The following LIN9 variants were observed in gnomAD, a reference collection of about 807,000 sequenced individuals.
The protein encoded by LIN9 is protein lin-9 homolog.
In LIN9, 18 loss-of-function variants were observed where a neutral mutation model predicts 78.0. The observed-to-expected ratio is 0.23, with a 90% CI of 0.16 to 0.34. The LOEUF (loss-of-function observed/expected upper bound fraction) is 0.34, where lower values mean the gene tolerates loss of function less well. Ranked by LOEUF, LIN9 falls within the 10% of genes least tolerant of loss-of-function variation. The probability of loss-of-function intolerance (pLI) is 1.00; values close to 1 mark genes in which losing one functional copy is unlikely to be tolerated. For missense variants in LIN9, 451 were observed against 644.1 expected, an observed-to-expected ratio of 0.70 and a Z score of 3.25; for synonymous variants, 192 against 215.2, an observed-to-expected ratio of 0.89 and a Z score of 0.94.
At chr1:226,306,709 T>C (rs1332892595) in intron 1 of LIN9, among the ~76,000 whole-genome samples, 1 of 152,244 alleles carries the variant, frequency 6.6e-6, no homozygotes, top group Non-Finnish European at 1.5e-5. Context: ...GATAATGTTA[T>C]ATCGACTCCT....
chr1:226,265,674 C>A lies in LIN9; in HGVS notation c.937-40G>T. On this transcript the variant is annotated intron_variant, in intron 9 of 14. Coordinates refer to ENST00000681046, the MANE Select transcript of LIN9 (RefSeq NM_001366245.2). This position sits in a 1 kb window ranked among gnomAD's most constrained non-coding sequence, Gnocchi z 4.1. The stretch of plus-strand genomic sequence containing the variant: ...AGGAATTATTTAATCATTGACTATT[C>A]AGAGGAAGTATCTTATTTTTTTATT... 1 of 1,049,570 alleles carries A rather than the reference C, an allele frequency of 9.5e-7. No individual in the cohort carries two copies. The highest frequency in any genetic ancestry group is 1.4e-5 in the South Asian group (1 of 72,120). 65.0% of individuals were successfully genotyped at this position (1,049,570 alleles called of 1,614,324 possible).
intron 11 of LIN9, among the ~76,000 whole-genome samples, chr1:226,240,117 G>A (rs2102838922): frequency 6.6e-6 from 1 of 152,190 alleles, no homozygotes; most frequent in East Asian, 1.9e-4. Context: ...TTTTACAGAG[G>A]AGAAAACTGA....
intron 10 of LIN9, among the ~76,000 whole-genome samples, chr1:226,259,867 A>T (rs1659453973): frequency 6.6e-6 from 1 of 152,034 alleles, no homozygotes; most frequent in African/African-American, 2.4e-5. Flanking sequence ...GGAAACTAAA[A>T]AAAAAAAATA....
chr1:226,270,490 TTGAG>T (rs1660193748), intron 7 of LIN9, among the ~76,000 whole-genome samples: 1 of 151,882 alleles, frequency 6.6e-6, no homozygotes, highest in African/African-American at 2.4e-5. Context: ...CAGTAAGAAA[TTGAG>T]AGAGATATTT....
chr1:226,245,126 A>T (rs572593892), intron 11 of LIN9, among the ~76,000 whole-genome samples: 1 of 152,342 alleles, frequency 6.6e-6, no homozygotes, highest in South Asian at 2.1e-4. Context: ...AATCACTGAC[A>T]AAAGAGAGAT....
intron 10 of LIN9, 43 bp from the exon 11 acceptor site, chr1:226,250,962 T>C (rs772412824): frequency 9.3e-6 from 9 of 962,956 alleles, no homozygotes; most frequent in Admixed American, 2.1e-5. Context: ...CAGAGGCATT[T>C]AGGTATATTG....
rs1657469356 is a variant in LIN9 at position 226,233,276 on chromosome 1, T to C, written c.1425+68A>G. The C allele has an allele frequency of 4.6e-6, 7 of 1,528,554 alleles. No individual in the cohort carries two copies. The African/African-American group carries it at 5.5e-5, about 12-fold the overall frequency. 94.7% of individuals were successfully genotyped at this position (1,528,554 alleles called of 1,614,324 possible). A position where few individuals can be genotyped will look rare whatever the true frequency, so the allele number is the denominator to read the frequency against. ...ATACCTGATATAATCAATGAATTAATTTCTTAGCAACAAATTAGCGTGGGT... is the reference window on the plus strand; with the variant it reads ...ATACCTGATATAATCAATGAATTAACTTCTTAGCAACAAATTAGCGTGGGT... On this transcript the variant is annotated intron_variant, in intron 13 of 14. Coordinates refer to ENST00000681046, the MANE Select transcript of LIN9 (RefSeq NM_001366245.2).
chr1:226,237,716 G>A (rs1657813096), intron 12 of LIN9, among the ~76,000 whole-genome samples: 2 of 151,760 alleles, frequency 1.3e-5, no homozygotes, highest in Non-Finnish European at 2.9e-5. Context: ...GGGAGGCCGA[G>A]GAGGGCGGAT....
intron 11 of LIN9, among the ~76,000 whole-genome samples, chr1:226,245,799 T>C (rs563105408): frequency 6.6e-6 from 1 of 152,320 alleles, no homozygotes; most frequent in East Asian, 1.9e-4. Context: ...GGTTTGGCTA[T>C]GTTGGCCAGG....
At position 226,265,796 on chromosome 1, in the gene LIN9, A is replaced by C. The variant is rs893867050; in HGVS notation, c.937-162T>G. Among the ~76,000 whole-genome samples the C allele has an allele frequency of 6.6e-6, 1 of 151,952 alleles. No homozygotes were observed. Among genetic ancestry groups the C allele is most frequent in the Admixed American group, 6.6e-5 (1 of 15,240 alleles). ...TGGGTTCAAGCGATTCTCCTGCCTC[A>C]GCCTCCCGAGCAGCTGGGATTACAG... On this transcript the variant is annotated intron_variant, in intron 9 of 14. Transcript: ENST00000681046. This position sits in a 1 kb window ranked among gnomAD's most constrained non-coding sequence, Gnocchi z 4.1.
intron 4 of LIN9, 117 bp from the exon 5 acceptor site, chr1:226,287,914 G>T: frequency 1.5e-6 from 1 of 662,428 alleles, no homozygotes; most frequent in Non-Finnish European, 2.5e-6. Flanking sequence ...AAGGTTCACT[G>T]ATTCACTGAT....
chr1:226,243,806 A>C (rs1658278099), intron 11 of LIN9, among the ~76,000 whole-genome samples: 1 of 152,002 alleles, frequency 6.6e-6, no homozygotes, highest in Admixed American at 6.6e-5. Flanking sequence ...AACACACATG[A>C]AACTCAATAA....
At chr1:226,299,926 CT>C (rs568117487) in intron 2 of LIN9, among the ~76,000 whole-genome samples, 421 of 136,580 alleles carry the variant, frequency 3.1e-3, no homozygotes, top group Non-Finnish European at 2.9e-3. Flanking sequence ...AAGCAAGATT[CT>C]TTTTTTTTTT....
At chr1:226,279,327 C>A (rs954766692) in intron 6 of LIN9, among the ~76,000 whole-genome samples, 5 of 150,170 alleles carry the variant, frequency 3.3e-5, no homozygotes, top group African/African-American at 4.9e-5. Context: ...ATTAGCTAGG[C>A]ATAATGGTGT....
intron 7 of LIN9, among the ~76,000 whole-genome samples, chr1:226,271,335 C>T (rs116777449): frequency 0.016 from 2,489 of 152,238 alleles, 65 homozygotes; most frequent in African/African-American, 0.055. Context: ...AATAGAGTGA[C>T]TTTTTAATTC....
intron 10 of LIN9, among the ~76,000 whole-genome samples, chr1:226,262,259 G>A (rs1222378670): frequency 6.6e-6 from 1 of 152,190 alleles, no homozygotes; most frequent in Non-Finnish European, 1.5e-5. Context: ...CATGATCCAT[G>A]TAAGAATGAA....
At chr1:226,279,608 C>CAAAA (rs56886138) in intron 6 of LIN9, among the ~76,000 whole-genome samples, 5 of 64,834 alleles carry the variant, frequency 7.7e-5, no homozygotes, top group African/African-American at 1.4e-4. Context: ...GCCAAAAATA[C>CAAAA]AAAAAAAAAA....
chr1:226,297,670 A>G (rs1322802119), intron 3 of LIN9, 49 bp downstream of exon 3: 2 of 1,293,240 alleles, frequency 1.5e-6, no homozygotes, highest in South Asian at 1.5e-5. Flanking sequence ...AATAATACAG[A>G]CAACTTAGCT....
intron 11 of LIN9, among the ~76,000 whole-genome samples, chr1:226,243,118 G>A (rs2102847204): frequency 1.3e-5 from 2 of 152,234 alleles, no homozygotes; most frequent in Admixed American, 1.3e-4. Context: ...TTGTTTGAGG[G>A]TCAACTGTAT....
Sources: gnomAD v4.1 joint callset for allele counts (sites outside exome capture counted in the v4.1 genomes callset) on GRCh38, gnomAD v4.1.1 for gene constraint, Gnocchi (gnomAD v3.1) non-coding constraint, MANE v1.5 for transcripts, NCBI Gene and HGNC (gene_info 2026-07-23, HGNC 2026-07-21) for gene names.